ATG10: variants seen among roughly 807,000 people sequenced by gnomAD.
ATG10 encodes the protein ubiquitin-like-conjugating enzyme ATG10.
In ATG10, 30 loss-of-function variants were observed where a neutral mutation model predicts 32.1. The ratio of observed to expected loss-of-function variants is 0.94; its 90% confidence interval spans 0.70 to 1.27. ATG10 has a LOEUF of 1.27. ATG10 is among the 50% of genes most tolerant of loss of function. The pLI is 0.00. For synonymous variants in ATG10, 87 were observed against 91.5 expected (o/e 0.95, Z 0.28); for missense variants, 233 against 262.3 (o/e 0.89, Z 0.77).
chr5:81,991,541 T>C (rs1761458857), intron 2 of ATG10, among the ~76,000 whole-genome samples: 1 of 152,116 alleles, frequency 6.6e-6, no homozygotes, highest in African/African-American at 2.4e-5. Context: ...AAAAAAAGTC[T>C]TGTTTACTTT....
chr5:81,995,314 A>T (rs535992125), intron 2 of ATG10, among the ~76,000 whole-genome samples: 2 of 151,554 alleles, frequency 1.3e-5, no homozygotes, highest in South Asian at 2.1e-4. Context: ...CATTATTATT[A>T]TTTTTTTTGG....
At chr5:82,029,591 A>G (rs1170705283) in intron 2 of ATG10, among the ~76,000 whole-genome samples, 1 of 152,206 alleles carries the variant, frequency 6.6e-6, no homozygotes. Flanking sequence ...CTTATGACTT[A>G]CTGATGTGGG....
intron 3 of ATG10, among the ~76,000 whole-genome samples, chr5:82,107,320 A>C (rs1268532686): frequency 6.6e-6 from 1 of 152,114 alleles, no homozygotes; most frequent in Non-Finnish European, 1.5e-5. Context: ...AATTTCATAG[A>C]CAAACCTTTT....
intron 3 of ATG10, among the ~76,000 whole-genome samples, chr5:82,135,153 T>G (rs1234911554): frequency 1.3e-5 from 2 of 152,202 alleles, no homozygotes; most frequent in Admixed American, 6.5e-5. Flanking sequence ...CCATCTATTT[T>G]GTTAATCTTT....
At chr5:81,983,677 C>T (rs1382263120) in intron 1 of ATG10, among the ~76,000 whole-genome samples, 1 of 151,498 alleles carries the variant, frequency 6.6e-6, no homozygotes, top group East Asian at 2.0e-4. Context: ...GGGGTGGCTG[C>T]CGGGCGGAGA....
intron 2 of ATG10, among the ~76,000 whole-genome samples, chr5:81,989,704 TCTC>T (rs1761399573): frequency 6.6e-6 from 1 of 151,978 alleles, no homozygotes; most frequent in Non-Finnish European, 1.5e-5. Flanking sequence ...GTTCAGCCAT[TCTC>T]CTGCCTCAGC....
chr5:82,026,965 A>C (rs1442864382), intron 2 of ATG10, among the ~76,000 whole-genome samples: 1 of 151,994 alleles, frequency 6.6e-6, no homozygotes, highest in African/African-American at 2.4e-5. Context: ...AGGCTGAGGC[A>C]GGAGAATCGC....
intron 3 of ATG10, among the ~76,000 whole-genome samples, chr5:82,107,671 A>G (rs1012302639): frequency 1.3e-5 from 2 of 152,126 alleles, no homozygotes; most frequent in Non-Finnish European, 2.9e-5. Flanking sequence ...TTCTATAAAC[A>G]TTCAGTAAAT....
intron 3 of ATG10, among the ~76,000 whole-genome samples, chr5:82,083,769 G>A (rs1222345095): frequency 6.6e-6 from 1 of 152,188 alleles, no homozygotes; most frequent in Non-Finnish European, 1.5e-5. Context: ...GGTCCTGACT[G>A]TTAGAAGGAA....
At chr5:82,014,879 G>A (rs1409587631) in intron 2 of ATG10, among the ~76,000 whole-genome samples, 5 of 152,190 alleles carry the variant, frequency 3.3e-5, no homozygotes, top group African/African-American at 1.2e-4. Context: ...TATGATGTTA[G>A]CTGGTGATTT....
At chr5:82,015,032 A>G (rs557042629) in intron 2 of ATG10, among the ~76,000 whole-genome samples, 1 of 152,296 alleles carries the variant, frequency 6.6e-6, no homozygotes, top group Admixed American at 6.5e-5. Flanking sequence ...GGTGGTGACA[A>G]AATCTCTCAG....
At chr5:82,020,216 G>A (rs958957680) in intron 2 of ATG10, among the ~76,000 whole-genome samples, 2 of 152,164 alleles carry the variant, frequency 1.3e-5, no homozygotes, top group Non-Finnish European at 2.9e-5. Context: ...AGGGGCAGGA[G>A]GCTTTTCTGA....
In ATG10 at chr5:82,083,045, G is replaced by A. The variant is rs189828170; in HGVS notation, c.216+24443G>A. On this transcript the variant is annotated intron_variant, in intron 3 of 7. Transcript: ENST00000282185. ...AGCAGGGCGAGGCATCGCCTCACCC[G>A]GGAAGCACAAGGGGTTGGGGAATTC... Among the ~76,000 whole-genome samples, 27 of 152,352 alleles carry A rather than the reference G, an allele frequency of 1.8e-4. No individual in the cohort carries two copies. In the East Asian group the frequency reaches 3.5e-3, roughly 20 times the overall value.
At chr5:82,057,262 A>G (rs928264166) in intron 2 of ATG10, among the ~76,000 whole-genome samples, 1 of 152,150 alleles carries the variant, frequency 6.6e-6, no homozygotes, top group African/African-American at 2.4e-5. Flanking sequence ...GAGTTACTGT[A>G]TTAGTTTCCT....
At chr5:82,229,178 G>A (rs1432317221) in intron 5 of ATG10, among the ~76,000 whole-genome samples, 1 of 152,178 alleles carries the variant, frequency 6.6e-6, no homozygotes, top group African/African-American at 2.4e-5. Context: ...CTCTCCTGAG[G>A]CAGAAATGGA....
chr5:82,177,830 C>A (rs942783900), intron 4 of ATG10, among the ~76,000 whole-genome samples: 1 of 152,052 alleles, frequency 6.6e-6, no homozygotes, highest in African/African-American at 2.4e-5. Context: ...CTTGTCCTTC[C>A]CCACCCCAAG....
intron 5 of ATG10, among the ~76,000 whole-genome samples, chr5:82,248,074 A>T (rs1002464336): frequency 2.0e-5 from 3 of 152,148 alleles, no homozygotes; most frequent in African/African-American, 7.2e-5. Context: ...CTAAAAACTC[A>T]AGTAGTATTC....
chr5:82,043,094 C>G (rs1561269914), intron 2 of ATG10, among the ~76,000 whole-genome samples: 1 of 152,232 alleles, frequency 6.6e-6, no homozygotes, highest in Non-Finnish European at 1.5e-5. Flanking sequence ...ACCCCTGCAG[C>G]AGACTTCTGC....
chr5:82,013,897 A>G (rs528422997), intron 2 of ATG10, among the ~76,000 whole-genome samples: 58 of 151,562 alleles, frequency 3.8e-4, no homozygotes, highest in Admixed American at 3.3e-3. Flanking sequence ...TAGATTCTGG[A>G]TATTAGTCAT....
Sources: gnomAD v4.1 joint callset for allele counts (sites outside exome capture counted in the v4.1 genomes callset) on GRCh38, gnomAD v4.1.1 for gene constraint, MANE v1.5 for transcripts, NCBI Gene and HGNC (gene_info 2026-07-23, HGNC 2026-07-21) for gene names.